The following NDE1 variants were observed in gnomAD, a reference collection of about 807,000 sequenced individuals.
NDE1 encodes nudE neurodevelopment protein 1, also known as nuclear distribution protein nudE homolog 1.
In NDE1, 28 loss-of-function variants were observed where a neutral mutation model predicts 43.4. That is an observed-to-expected ratio of 0.65 (90% CI 0.48 to 0.89). The LOEUF is 0.89. Among genes scored for constraint, NDE1 ranks in the 40% least tolerant of loss-of-function variants. The pLI is 0.00. For synonymous variants in NDE1, 184 were observed against 172.0 expected, an observed-to-expected ratio of 1.07 and a Z score of -0.55; for missense variants, 441 against 434.1, an observed-to-expected ratio of 1.02 and a Z score of -0.14.
intron 3 of NDE1, among the ~76,000 whole-genome samples, chr16:15,677,103 G>A (rs1000611314): frequency 3.9e-5 from 6 of 152,082 alleles, no homozygotes; most frequent in African/African-American, 1.2e-4. Context: ...AAAACAGTTG[G>A]TCCGTTGTGC....
chr16:15,646,690 C>CA (rs1044133019), upstream of NDE1, among the ~76,000 whole-genome samples: 27 of 152,032 alleles, frequency 1.8e-4, no homozygotes, highest in African/African-American at 6.3e-4. Flanking sequence ...GAGATCGCAC[C>CA]ACTGCACTCT....
In NDE1 at chr16:15,690,353, C is replaced by CTTTTTTTTTTT. The variant is rs869069843; in HGVS notation, c.524-773_524-763dup. ...GCAACTGGCCTTTTTTTTTTTTTTT[C>CTTTTTTTTTTT]TTTTTTTTTTTTTTTTTTTTTTTTT... On this transcript the variant is annotated intron_variant, in intron 5 of 8. Transcript: ENST00000396354. Among the ~76,000 whole-genome samples, 89 of 80,996 alleles carry CTTTTTTTTTTT rather than the reference C, an allele frequency of 1.1e-3. 3 individuals are homozygous for CTTTTTTTTTTT. Among genetic ancestry groups the CTTTTTTTTTTT allele is most frequent in the South Asian group, 4.6e-3 (9 of 1,972 alleles). 53.1% of individuals were successfully genotyped at this position (80,996 alleles called of 152,430 possible).
chr16:15,712,979 G>A (rs1037467583), intron 8 of NDE1: 2 of 149,110 alleles, frequency 1.3e-5, no homozygotes, highest in South Asian at 4.2e-4. Flanking sequence ...TCAGCCTCCT[G>A]AGTAGCTGGA....
chr16:15,664,968 G>A, intron 2 of NDE1, 107 bp downstream of exon 2: 1 of 842,260 alleles, frequency 1.2e-6, no homozygotes, highest in East Asian at 2.5e-5. Flanking sequence ...TGATCATAGT[G>A]CACAGCCGCC....
chr16:15,696,603 A>C, intron 7 of NDE1, 106 bp from the exon 8 acceptor site: 1 of 1,595,336 alleles, frequency 6.3e-7, no homozygotes, highest in Non-Finnish European at 8.5e-7. Flanking sequence ...TCCAGTGCAC[A>C]ACAGTTTGAG....
At chr16:15,687,342 C>A in intron 4 of NDE1, 33 bp from the exon 5 acceptor site, 1 of 1,613,868 alleles carries the variant, frequency 6.2e-7, no homozygotes, top group Non-Finnish European at 8.5e-7. Flanking sequence ...TGCGGTTTGT[C>A]CTCTTGGATA....
intron 4 of NDE1, among the ~76,000 whole-genome samples, chr16:15,679,358 A>G (rs1364364011): frequency 6.6e-6 from 1 of 152,090 alleles, no homozygotes; most frequent in Non-Finnish European, 1.5e-5. Flanking sequence ...CGCCATCTAT[A>G]CACATAACCT....
intron 3 of NDE1, among the ~76,000 whole-genome samples, chr16:15,676,911 G>A (rs1438096375): frequency 6.6e-6 from 1 of 152,158 alleles, no homozygotes; most frequent in Non-Finnish European, 1.5e-5. Context: ...TGATATGTGT[G>A]AAGGAGGCCC....
intron 4 of NDE1, among the ~76,000 whole-genome samples, chr16:15,685,023 A>G (rs2038368285): frequency 2.6e-5 from 4 of 152,206 alleles, no homozygotes; most frequent in Non-Finnish European, 5.9e-5. Flanking sequence ...GTAGAAACGT[A>G]TTAAGACAGT....
intron 8 of NDE1, chr16:15,703,401 A>T (rs2151158427): frequency 4.2e-6 from 1 of 238,664 alleles, no homozygotes; most frequent in East Asian, 6.0e-5. Flanking sequence ...CATTTCGGTG[A>T]CTTTCTCCCC....
chr16:15,690,342 TTTTTTTTTTTC>T (rs2038677119), intron 5 of NDE1, among the ~76,000 whole-genome samples: 2 of 130,086 alleles, frequency 1.5e-5, no homozygotes, highest in African/African-American at 6.2e-5. Flanking sequence ...CTGGCCTTTT[TTTTTTTTTTTC>T]TTTTTTTTTT....
chr16:15,674,912 C>T (rs2037789722), intron 3 of NDE1, among the ~76,000 whole-genome samples: 1 of 152,028 alleles, frequency 6.6e-6, no homozygotes, highest in Non-Finnish European at 1.5e-5. Flanking sequence ...GCTCTGTGGG[C>T]CACGCTGGTG....
At chr16:15,693,321 C>T (rs1466794045) in intron 6 of NDE1, among the ~76,000 whole-genome samples, 1 of 152,090 alleles carries the variant, frequency 6.6e-6, no homozygotes, top group Non-Finnish European at 1.5e-5. Context: ...TTCTGCATTT[C>T]TAACAGTTCT....
At chr16:15,667,259 AC>A (rs752253998) in intron 2 of NDE1, 26 bp from the exon 3 acceptor site, 2 of 1,613,344 alleles carry the variant, frequency 1.2e-6, no homozygotes, top group Non-Finnish European at 1.7e-6. Context: ...AAATATTACT[AC>A]GTGATGATTA....
At position 15,691,205 on chromosome 16, in the gene NDE1, C is replaced by T. The variant is rs2038732414; in HGVS notation, c.585C>T (p.Ser195=). 2.5e-6 allele frequency: 4 copies of T among 1,614,090 alleles called. No individual in the cohort carries two copies. Among genetic ancestry groups the T allele is most frequent in the Non-Finnish European group, 3.4e-6 (4 of 1,180,048 alleles). ...AGAAACCCAGGACCCCCATGCCCAGCTCAGTGGAAGCTGAGAGGACAGACA... is the reference window on the plus strand; with the variant it reads ...AGAAACCCAGGACCCCCATGCCCAGTTCAGTGGAAGCTGAGAGGACAGACA... ...KQEKPRTPMP[S]SVEAERTDTA... The change falls in exon 6 of 9, where the codon AGC becomes AGT. Residue 195 remains serine (S), a synonymous_variant. Coordinates refer to ENST00000396354, the MANE Select transcript of NDE1 (RefSeq NM_017668.3).
chr16:15,724,865 G>A lies in NDE1; in HGVS notation c.*614G>A. The A allele has an allele frequency of 1.2e-6, 2 of 1,613,898 alleles. No homozygotes were observed. The highest frequency in any genetic ancestry group is 1.7e-6 in the Non-Finnish European group (2 of 1,179,968). On this transcript the variant is annotated 3_prime_UTR_variant, in exon 9 of 9. Transcript: ENST00000396354. ...AGGAAGGCCACCCCCCAGGTCCCCTGGATGATGTGGCAGGACACTCACCTG... is the reference window on the plus strand; with the variant it reads ...AGGAAGGCCACCCCCCAGGTCCCCTAGATGATGTGGCAGGACACTCACCTG...
intron 1 of NDE1, among the ~76,000 whole-genome samples, chr16:15,657,967 C>T (rs1047846782): frequency 6.6e-6 from 1 of 152,128 alleles, no homozygotes; most frequent in East Asian, 1.9e-4. Flanking sequence ...AAGATTCCTG[C>T]GTGGCAGAAA....
chr16:15,646,030 TA>T (rs2036323345), upstream of NDE1, among the ~76,000 whole-genome samples: 1 of 152,358 alleles, frequency 6.6e-6, no homozygotes, highest in Admixed American at 6.5e-5. Flanking sequence ...TAAATGTTTT[TA>T]AGGTTTTACC....
At chr16:15,717,218 T>C in intron 8 of NDE1, 1 of 1,614,212 alleles carries the variant, frequency 6.2e-7, no homozygotes, top group Non-Finnish European at 8.5e-7. Flanking sequence ...GAACTTGGAC[T>C]TGACGGCCCC....
Sources: gnomAD v4.1 joint callset for allele counts (sites outside exome capture counted in the v4.1 genomes callset) on GRCh38, gnomAD v4.1.1 for gene constraint, MANE v1.5 for transcripts, NCBI Gene and HGNC (gene_info 2026-07-23, HGNC 2026-07-21) for gene names.